GNB1: variants seen among roughly 807,000 people sequenced by gnomAD.
GNB1 encodes the protein G protein subunit beta 1.
A neutral mutation model predicts 42.9 loss-of-function variants in GNB1; 2 were observed. The ratio of observed to expected loss-of-function variants is 0.05; its 90% CI spans 0.02 to 0.15. The LOEUF is 0.15. Ranked by LOEUF, GNB1 falls within the 10% of genes least tolerant of loss-of-function variation. The pLI is 1.00. For missense variants in GNB1, 193 were observed against 462.2 expected, an observed-to-expected ratio of 0.42 and a Z score of 5.34; for synonymous variants, 183 against 174.7, an observed-to-expected ratio of 1.05 and a Z score of -0.38.
chr1:1,845,824 TACACACACACACACACACACAC>T (rs55953457), intron 1 of GNB1, among the ~76,000 whole-genome samples: 22 of 140,278 alleles, frequency 1.6e-4, no homozygotes, highest in Admixed American at 9.5e-4. Flanking sequence ...TGTAAGTCCA[TACACACACACACACACACACAC>T]ACACACACAC....
At chr1:1,854,466 G>A (rs1288927111) in intron 1 of GNB1, among the ~76,000 whole-genome samples, 1 of 152,160 alleles carries the variant, frequency 6.6e-6, no homozygotes, top group Non-Finnish European at 1.5e-5. Flanking sequence ...ATTAAACTCT[G>A]ACAGTACAAA....
At chr1:1,838,449 C>CTT (rs112843995) in intron 2 of GNB1, among the ~76,000 whole-genome samples, 57 of 141,570 alleles carry the variant, frequency 4.0e-4, no homozygotes, top group South Asian at 6.7e-4. Flanking sequence ...TTTTTCTTTT[C>CTT]TTTTTTTTTT....
chr1:1,874,778 T>C (rs1001907042), intron 1 of GNB1, among the ~76,000 whole-genome samples: 1 of 150,568 alleles, frequency 6.6e-6, no homozygotes, highest in Non-Finnish European at 1.5e-5. Flanking sequence ...TGACAAAGAG[T>C]GACACCCTGT....
chr1:1,859,731 G>A (rs1170688394), intron 1 of GNB1, among the ~76,000 whole-genome samples: 18 of 150,466 alleles, frequency 1.2e-4, no homozygotes, highest in Admixed American at 1.1e-3. Context: ...GAGGCAGGCC[G>A]GGCGCGGTGG....
At chr1:1,880,230 G>A (rs1320187057) in intron 1 of GNB1, among the ~76,000 whole-genome samples, 1 of 152,182 alleles carries the variant, frequency 6.6e-6, no homozygotes, top group African/African-American at 2.4e-5. Context: ...ACCATGCCCA[G>A]CCAAGAACAG....
intron 3 of GNB1, among the ~76,000 whole-genome samples, chr1:1,822,377 C>T (rs1646941189): frequency 1.3e-5 from 2 of 151,050 alleles, no homozygotes; most frequent in South Asian, 4.2e-4. Flanking sequence ...GCTCTCGCCT[C>T]ACTGCAAGCT....
chr1:1,850,024 A>G (rs1425637960), intron 1 of GNB1, among the ~76,000 whole-genome samples: 1 of 152,112 alleles, frequency 6.6e-6, no homozygotes, highest in Non-Finnish European at 1.5e-5. Flanking sequence ...GCTGAAGTAC[A>G]ATGGCACAAT....
chr1:1,805,294 G>A (rs185882484), intron 6 of GNB1, among the ~76,000 whole-genome samples: 173 of 151,926 alleles, frequency 1.1e-3, no homozygotes, highest in Non-Finnish European at 2.1e-3. Flanking sequence ...AACCCTGTCT[G>A]TGCTAAAATA....
At chr1:1,815,488 CAGG>C (rs753719255) in intron 5 of GNB1, among the ~76,000 whole-genome samples, 8 of 152,152 alleles carry the variant, frequency 5.3e-5, no homozygotes, top group Non-Finnish European at 7.3e-5. Flanking sequence ...CTGAAAGAGA[CAGG>C]AGAAGGGAGA....
Position 1,785,917 on chromosome 1 carries a change from A to T in GNB1, c.*1146T>A, listed in dbSNP as rs908730995. The T allele has an allele frequency of 5.0e-6, 2 of 398,808 alleles. No homozygotes were observed. Among genetic ancestry groups the T allele is most frequent in the Non-Finnish European group, 8.8e-6 (2 of 226,058 alleles). 24.7% of individuals were successfully genotyped at this position (398,808 alleles called of 1,614,324 possible). On this transcript the variant is annotated 3_prime_UTR_variant, in exon 12 of 12. Transcript: ENST00000378609. ...GCCACAGAGCAGCAACGAGAAGTGG[A>T]CAGAGCCGCAATGGTTACAACTGTA...
chr1:1,886,938 C>G (rs962131514), intron 1 of GNB1, among the ~76,000 whole-genome samples: 2 of 152,170 alleles, frequency 1.3e-5, no homozygotes, highest in Non-Finnish European at 2.9e-5. Flanking sequence ...TGGTCTCGAT[C>G]TCCTGACCTC....
chr1:1,850,164 CTT>C (rs1241974592), intron 1 of GNB1, among the ~76,000 whole-genome samples: 1 of 150,844 alleles, frequency 6.6e-6, no homozygotes, highest in Non-Finnish European at 1.5e-5. Flanking sequence ...GAGTTTCTCT[CTT>C]GTTGCCCAGG....
At chr1:1,842,506 T>C (rs940188152) in intron 1 of GNB1, among the ~76,000 whole-genome samples, 1 of 151,024 alleles carries the variant, frequency 6.6e-6, no homozygotes, top group Non-Finnish European at 1.5e-5. Context: ...ATATGCTAAG[T>C]GACAGATGCC....
chr1:1,879,850 C>T (rs775566523), intron 1 of GNB1, among the ~76,000 whole-genome samples: 8 of 152,106 alleles, frequency 5.3e-5, no homozygotes, highest in Admixed American at 1.3e-4. Context: ...TGATGCAATA[C>T]ACAGTTTTAG....
intron 3 of GNB1, among the ~76,000 whole-genome samples, chr1:1,822,702 A>G (rs966947179): frequency 6.6e-5 from 10 of 152,164 alleles, no homozygotes; most frequent in Non-Finnish European, 1.3e-4. Flanking sequence ...CCCCTGTGCA[A>G]GAAGGCCCTG....
intron 1 of GNB1, among the ~76,000 whole-genome samples, chr1:1,870,011 C>T (rs189263802): frequency 1.3e-5 from 2 of 152,074 alleles, no homozygotes; most frequent in African/African-American, 4.8e-5. Context: ...TATAGGCACC[C>T]GCCACCATGC....
Position 1,789,141 on chromosome 1 carries a change from G to C in GNB1, c.828C>G (p.Val276=). The C allele has an allele frequency of 6.2e-7, 1 of 1,614,144 alleles. No individual in the cohort carries two copies. The highest frequency in any genetic ancestry group is 1.1e-5 in the South Asian group (1 of 91,082). The change falls in exon 10 of 12, where the codon GTC becomes GTG. Residue 276 remains valine (V), a synonymous_variant. Coordinates refer to ENST00000378609, the MANE Select transcript of GNB1 (RefSeq NM_002074.5). ...HDNIICGITS[V]SFSKSGRLLL... is the part of the protein sequence containing the mutation. ...GGAGGCGCCCGCTCTTGGAGAAGGA[G>C]ACAGAGGTGATCCCGCAGATGATGT...
rs1366024554 is a variant in GNB1, at chr1:1,785,745, C to G, written c.*1318G>C. 1.5e-5 allele frequency: 5 copies of G among 324,598 alleles called. No individual in the cohort carries two copies. Among genetic ancestry groups the G allele is most frequent in the Non-Finnish European group, 1.7e-5 (3 of 181,172 alleles). The allele number at this position is 324,598 out of a possible 1,614,324, so 20.1% of individuals were successfully genotyped here. A position where few individuals can be genotyped will look rare whatever the true frequency, so the allele number is the denominator to read the frequency against. ...GGAGGGCAGGCTCTTCACTCCCTCTCCCTCCCTCTCTCTCCCTCCCCACCC... is the reference window on the plus strand; with the variant it reads ...GGAGGGCAGGCTCTTCACTCCCTCTGCCTCCCTCTCTCTCCCTCCCCACCC... On this transcript the variant is annotated 3_prime_UTR_variant, in exon 12 of 12. Transcript: ENST00000378609.
intron 1 of GNB1, among the ~76,000 whole-genome samples, chr1:1,890,612 C>T (rs1190191205): frequency 6.7e-6 from 1 of 148,578 alleles, no homozygotes; most frequent in Non-Finnish European, 1.5e-5. Flanking sequence ...GGCTCCTCTC[C>T]CTAGACCCCG....
Sources: allele counts gnomAD v4.1 joint callset (sites outside exome capture counted in the v4.1 genomes callset), GRCh38; gene constraint gnomAD v4.1.1; transcripts MANE v1.5; gene names NCBI Gene and HGNC (gene_info 2026-07-23, HGNC 2026-07-21).